The following IMMP2L variants were observed in gnomAD, a reference collection of about 807,000 sequenced individuals.
IMMP2L encodes the protein mitochondrial inner membrane protease subunit 2.
A neutral mutation model predicts 19.3 loss-of-function variants in IMMP2L; 18 were observed. The ratio of observed to expected loss-of-function variants is 0.93; its 90% CI spans 0.64 to 1.38. The LOEUF (loss-of-function observed/expected upper bound fraction) is 1.38. Ranked by LOEUF, IMMP2L falls within the 40% of genes most tolerant of loss-of-function variation. The pLI, the probability that IMMP2L is intolerant of heterozygous loss-of-function variation, is 0.00. For synonymous variants in IMMP2L, 76 were observed against 73.0 expected (o/e 1.04, Z -0.21); for missense variants, 233 against 218.2 (o/e 1.07, Z -0.43).
At chr7:111,223,011 T>A (rs1441603278) in intron 3 of IMMP2L, among the ~76,000 whole-genome samples, 1 of 151,962 alleles carries the variant, frequency 6.6e-6, no homozygotes, top group Admixed American at 6.6e-5. Context: ...GAGTTACATA[T>A]ATAAATATGA....
rs1347586724 is a variant in IMMP2L at position 111,387,078 on chromosome 7, G to T, written c.239+100160C>A. 3.3e-5 allele frequency among the ~76,000 whole-genome samples: 5 copies of T among 152,078 alleles called. No individual in the cohort carries two copies. In the South Asian group the frequency reaches 8.3e-4, roughly 25 times the overall value. On this transcript the variant is annotated intron_variant, in intron 3 of 5. Coordinates refer to ENST00000405709, the MANE Select transcript of IMMP2L (RefSeq NM_032549.4). Reference sequence around the variant, plus strand: ...TATCTGTTGTCCTGTAAAAAGAAAAGAAAATACTATTATTTGTATTTCTTG... The same window carrying T: ...TATCTGTTGTCCTGTAAAAAGAAAATAAAATACTATTATTTGTATTTCTTG...
At chr7:111,248,811 G>C (rs1450457352) in intron 3 of IMMP2L, among the ~76,000 whole-genome samples, 1 of 31,792 alleles carries the variant, frequency 3.1e-5, no homozygotes, top group Non-Finnish European at 5.4e-5. Context: ...CTGCTGGGGG[G>C]TGCCTCCCAG....
At chr7:110,736,567 A>G (rs1796651392) in intron 5 of IMMP2L, among the ~76,000 whole-genome samples, 1 of 152,188 alleles carries the variant, frequency 6.6e-6, no homozygotes, top group Non-Finnish European at 1.5e-5. Flanking sequence ...TTGCGGACCC[A>G]ACTTCCACCC....
chr7:111,063,498 C>G (rs1036926307), intron 3 of IMMP2L, among the ~76,000 whole-genome samples: 1 of 152,194 alleles, frequency 6.6e-6, no homozygotes, highest in Non-Finnish European at 1.5e-5. Context: ...TCACTACTTA[C>G]GCAAATTTCT....
At chr7:111,444,644 G>A (rs565225796) in intron 3 of IMMP2L, among the ~76,000 whole-genome samples, 6 of 151,982 alleles carry the variant, frequency 3.9e-5, no homozygotes, top group African/African-American at 9.7e-5. Flanking sequence ...TCTTTATCAA[G>A]TATTTAACCA....
chr7:111,480,165 G>A (rs1585276416), intron 3 of IMMP2L, among the ~76,000 whole-genome samples: 1 of 150,506 alleles, frequency 6.6e-6, no homozygotes, highest in Non-Finnish European at 1.5e-5. Context: ...CTCACTGCAA[G>A]CTCCGCCTCC....
At chr7:110,816,930 A>T (rs1470519480) in intron 5 of IMMP2L, among the ~76,000 whole-genome samples, 17 of 152,058 alleles carry the variant, frequency 1.1e-4, no homozygotes. Context: ...AATTTGCCAG[A>T]CTGCGTCTTT....
intron 3 of IMMP2L, among the ~76,000 whole-genome samples, chr7:111,018,981 A>G (rs1826004376): frequency 1.3e-5 from 2 of 152,104 alleles, no homozygotes; most frequent in Admixed American, 1.3e-4. Flanking sequence ...GTTAGTGAAC[A>G]TATTCAAGCT....
At chr7:111,168,442 G>A (rs1448572937) in intron 3 of IMMP2L, among the ~76,000 whole-genome samples, 1 of 151,850 alleles carries the variant, frequency 6.6e-6, no homozygotes, top group Non-Finnish European at 1.5e-5. Flanking sequence ...AGTCTTATAA[G>A]TTGAGAGTAG....
intron 5 of IMMP2L, among the ~76,000 whole-genome samples, chr7:110,825,782 G>A (rs184680002): frequency 7.2e-4 from 110 of 152,248 alleles, no homozygotes; most frequent in African/African-American, 2.0e-3. Context: ...CATGGGCAAC[G>A]ACTTCATGTC....
At chr7:110,669,024 A>AGT (rs1390053336) in intron 5 of IMMP2L, among the ~76,000 whole-genome samples, 2 of 22,704 alleles carry the variant, frequency 8.8e-5, no homozygotes, top group East Asian at 0.019. Context: ...CTGAACCAAC[A>AGT]GTATGTGTGT....
intron 3 of IMMP2L, among the ~76,000 whole-genome samples, chr7:111,081,569 T>C (rs1196783700): frequency 6.6e-6 from 1 of 152,218 alleles, no homozygotes; most frequent in African/African-American, 2.4e-5. Flanking sequence ...CATTCATTCA[T>C]AGACTCTTTT....
intron 3 of IMMP2L, among the ~76,000 whole-genome samples, chr7:111,302,497 G>A (rs551920364): frequency 7.4e-4 from 112 of 152,136 alleles, no homozygotes; most frequent in South Asian, 4.2e-3. Context: ...AAGCTCTTTC[G>A]ATAACTCTGT....
At chr7:111,308,128 T>A (rs1393669766) in intron 3 of IMMP2L, among the ~76,000 whole-genome samples, 1 of 151,912 alleles carries the variant, frequency 6.6e-6, no homozygotes, top group Non-Finnish European at 1.5e-5. Context: ...TTTGCTTCAA[T>A]CAACCAACAT....
At chr7:111,146,196 T>C (rs1483731660) in intron 3 of IMMP2L, among the ~76,000 whole-genome samples, 1 of 149,978 alleles carries the variant, frequency 6.7e-6, no homozygotes, top group Admixed American at 6.7e-5. Context: ...TGTGCTGTTC[T>C]TGTCAATATA....
chr7:111,443,227 A>G (rs541097586), intron 3 of IMMP2L, among the ~76,000 whole-genome samples: 33 of 152,058 alleles, frequency 2.2e-4, no homozygotes, highest in African/African-American at 6.5e-4. Context: ...TGGCTACATG[A>G]TATATCAGAG....
At chr7:111,327,390 A>G (rs1164054627) in intron 3 of IMMP2L, among the ~76,000 whole-genome samples, 2 of 151,762 alleles carry the variant, frequency 1.3e-5, no homozygotes, top group Non-Finnish European at 2.9e-5. Context: ...ATTATATATA[A>G]AAAGTGTCAC....
chr7:111,040,654 TGACA>T (rs1791804419), intron 3 of IMMP2L, among the ~76,000 whole-genome samples: 1 of 150,180 alleles, frequency 6.7e-6, no homozygotes, highest in Non-Finnish European at 1.5e-5. Flanking sequence ...CTGAAAGTAC[TGACA>T]GAATTAGAAA....
chr7:110,862,236 AT>A (rs993681834), intron 5 of IMMP2L, among the ~76,000 whole-genome samples: 3 of 150,464 alleles, frequency 2.0e-5, no homozygotes, highest in Non-Finnish European at 3.0e-5. Context: ...TATTTTATTT[AT>A]TTTTTTTTAG....
Sources: allele counts gnomAD v4.1 joint callset (sites outside exome capture counted in the v4.1 genomes callset), GRCh38; gene constraint gnomAD v4.1.1; transcripts MANE v1.5; gene names NCBI Gene and HGNC (gene_info 2026-07-23, HGNC 2026-07-21).